Variants in CHN2 observed in about 807,000 individuals in gnomAD.
CHN2 encodes beta-chimaerin.
CHN2 carries 35 observed loss-of-function variants against 56.3 expected under a neutral mutation model. The observed-to-expected ratio is 0.62, with a 90% CI of 0.47 to 0.82. The LOEUF (loss-of-function observed/expected upper bound fraction) is 0.82. CHN2 is among the 40% of genes least tolerant of loss of function. CHN2 has a pLI of 0.00. For synonymous variants in CHN2, 210 were observed against 212.8 expected (o/e 0.99, Z 0.12); for missense variants, 491 against 580.5 (o/e 0.85, Z 1.58).
chr7:29,305,656 A>G (rs961216496), intron 1 of CHN2, among the ~76,000 whole-genome samples: 3 of 152,198 alleles, frequency 2.0e-5, no homozygotes, highest in African/African-American at 7.2e-5. Flanking sequence ...AGCCTGATAA[A>G]GTTTACTTGT....
rs565094826 is a variant in CHN2, at chr7:29,257,626, G to A, written c.49+62636G>A. 1.3e-4 allele frequency among the ~76,000 whole-genome samples: 20 copies of A among 152,256 alleles called. No individual in the cohort carries two copies. In the South Asian group the frequency reaches 3.9e-3, roughly 30 times the overall value. ...TCTTTTTACACATGAGGAAATGGCAGCTTCAGAGAGGTTAGACAAATGACC... is the reference window on the plus strand; with the variant it reads ...TCTTTTTACACATGAGGAAATGGCAACTTCAGAGAGGTTAGACAAATGACC... On this transcript the variant is annotated intron_variant, in intron 1 of 12. Transcript: ENST00000222792.
chr7:29,243,212 C>T (rs1270435901), intron 1 of CHN2, among the ~76,000 whole-genome samples: 1 of 151,934 alleles, frequency 6.6e-6, no homozygotes, highest in Non-Finnish European at 1.5e-5. Context: ...TGGGAAAACT[C>T]CAAGAACAAA....
In CHN2 at chr7:29,480,361, G is replaced by A. The variant is rs1787054078; in HGVS notation, c.654+5G>A. The stretch of plus-strand genomic sequence containing the variant: ...GAGAAGACACACAACTTTAAGGTAA[G>A]CAAGCCTCTGCATTCCTTCTTCTGT... On this transcript the variant is annotated splice_donor_5th_base_variant and intron_variant, in intron 7 of 12. Transcript: ENST00000222792. The A allele has an allele frequency of 6.2e-7, 1 of 1,613,342 alleles. No individual in the cohort carries two copies. Among genetic ancestry groups the A allele is most frequent in the Non-Finnish European group, 8.5e-7 (1 of 1,179,378 alleles).
chr7:29,454,561 A>G (rs1243483359), intron 6 of CHN2, among the ~76,000 whole-genome samples: 1 of 152,240 alleles, frequency 6.6e-6, no homozygotes, highest in East Asian at 1.9e-4. Context: ...AACAACCCCC[A>G]GATGTCAGTG....
chr7:29,285,505 A>G (rs1205622748), intron 1 of CHN2, among the ~76,000 whole-genome samples: 2 of 152,238 alleles, frequency 1.3e-5, no homozygotes, highest in Admixed American at 1.3e-4. Context: ...GCCTAGCATA[A>G]GCCACAGTCT....
At chr7:29,472,559 A>G (rs890522384) in intron 6 of CHN2, among the ~76,000 whole-genome samples, 1 of 152,094 alleles carries the variant, frequency 6.6e-6, no homozygotes, top group Admixed American at 6.5e-5. Flanking sequence ...CCCCAGACAT[A>G]TGTTCAGGGA....
At chr7:29,195,157 C>T (rs1783516668) in intron 1 of CHN2, 167 bp downstream of exon 1, 2 of 596,614 alleles carry the variant, frequency 3.4e-6, no homozygotes, top group African/African-American at 2.0e-5. Flanking sequence ...CACCTCGGTG[C>T]CCAGAGCACC....
At chr7:29,440,369 A>G (rs1783541998) in intron 6 of CHN2, among the ~76,000 whole-genome samples, 2 of 152,162 alleles carry the variant, frequency 1.3e-5, no homozygotes, top group African/African-American at 4.8e-5. Flanking sequence ...TGAATGCACA[A>G]TGGTTATCAT....
intron 6 of CHN2, among the ~76,000 whole-genome samples, chr7:29,438,055 T>C (rs1783371174): frequency 6.6e-6 from 1 of 152,136 alleles, no homozygotes; most frequent in Admixed American, 6.5e-5. Context: ...CACATGTAGA[T>C]TTGAGAGTGG....
intron 8 of CHN2, among the ~76,000 whole-genome samples, chr7:29,499,431 T>TA (rs1583414706): frequency 6.6e-6 from 1 of 151,788 alleles, no homozygotes; most frequent in Admixed American, 6.6e-5. Context: ...GCAGAAAGAG[T>TA]AACTCTGCCT....
At chr7:29,498,330 C>T (rs1369785467) in intron 8 of CHN2, among the ~76,000 whole-genome samples, 1 of 152,162 alleles carries the variant, frequency 6.6e-6, no homozygotes, top group East Asian at 1.9e-4. Context: ...GAAACCCAGC[C>T]AACTCTATTT....
At position 29,241,869 on chromosome 7, in the gene CHN2, T is replaced by C. The variant is rs1287410224; in HGVS notation, c.49+46879T>C. On this transcript the variant is annotated intron_variant, in intron 1 of 12. Transcript: ENST00000222792. ...ACAAATAAACAAAAATCTCCTTTCT[T>C]CTCCCAAAATTTATGCCAAGAGGAG... Among the ~76,000 whole-genome samples the C allele has an allele frequency of 4.6e-5, 7 of 152,088 alleles. No individual in the cohort carries two copies. In the East Asian group the frequency reaches 1.4e-3, roughly 29 times the overall value.
intron 1 of CHN2, among the ~76,000 whole-genome samples, chr7:29,293,271 C>T (rs559506102): frequency 6.6e-6 from 1 of 152,106 alleles, no homozygotes; most frequent in South Asian, 2.1e-4. Context: ...GGCCCCTTCT[C>T]CCTCCTGCAT....
At chr7:29,183,311 C>T (rs1439976239) in intron 2 of CHN2, among the ~76,000 whole-genome samples, 11 of 149,932 alleles carry the variant, frequency 7.3e-5, no homozygotes, top group African/African-American at 9.8e-5. Context: ...CTCGAACTCC[C>T]GATCTCAGGT....
intron 7 of CHN2, among the ~76,000 whole-genome samples, chr7:29,490,400 G>A (rs1344225952): frequency 6.6e-6 from 1 of 152,088 alleles, no homozygotes; most frequent in African/African-American, 2.4e-5. Flanking sequence ...GTGTTCTGCT[G>A]TATCACCTGA....
chr7:29,508,580 TC>T (rs148335083), intron 11 of CHN2, among the ~76,000 whole-genome samples: 16 of 152,148 alleles, frequency 1.1e-4, no homozygotes, highest in Non-Finnish European at 1.0e-4. Context: ...ATTCCCTCCT[TC>T]CGGGGCCCTA....
chr7:29,328,807 C>T (rs1189253882), intron 1 of CHN2, among the ~76,000 whole-genome samples: 1 of 151,976 alleles, frequency 6.6e-6, no homozygotes, highest in Non-Finnish European at 1.5e-5. Context: ...TTACAATAGC[C>T]TAAAATGACA....
intron 1 of CHN2, among the ~76,000 whole-genome samples, chr7:29,299,069 G>A (rs781391937): frequency 5.9e-5 from 9 of 152,314 alleles, no homozygotes; most frequent in African/African-American, 9.6e-5. Context: ...TCCGCAGAGC[G>A]AGAGTCCTGC....
chr7:29,347,546 T>C (rs1256143158), intron 1 of CHN2, among the ~76,000 whole-genome samples: 1 of 152,140 alleles, frequency 6.6e-6, no homozygotes, highest in East Asian at 1.9e-4. Flanking sequence ...GTGCCACTTT[T>C]AAGCCATCAA....
Sources: gnomAD v4.1 joint callset for allele counts (sites outside exome capture counted in the v4.1 genomes callset) on GRCh38, gnomAD v4.1.1 for gene constraint, MANE v1.5 for transcripts, NCBI Gene and HGNC (gene_info 2026-07-23, HGNC 2026-07-21) for gene names.